VAMP7: variants seen among roughly 807,000 people sequenced by gnomAD.
The protein encoded by VAMP7 is vesicle-associated membrane protein 7.
In VAMP7, 14 loss-of-function variants were observed where a neutral mutation model predicts 29.6. The ratio of observed to expected loss-of-function variants is 0.47; its 90% confidence interval spans 0.31 to 0.74. The LOEUF (loss-of-function observed/expected upper bound fraction) is 0.74, where lower values mean the gene tolerates loss of function less well. Among genes scored for constraint, VAMP7 ranks in the 30% least tolerant of loss-of-function variants. VAMP7 has a pLI of 0.05. For synonymous variants in VAMP7, 95 were observed against 88.1 expected (o/e 1.08, Z -0.44); for missense variants, 223 against 262.4 (o/e 0.85, Z 1.04).
chrX:155,906,414 A>G (rs2066148248), intron 5 of VAMP7, among the ~76,000 whole-genome samples: 1 of 152,148 alleles, frequency 6.6e-6, no homozygotes. Flanking sequence ...TGGTTGTGTT[A>G]GGAGTTGAGC....
intron 6 of VAMP7, among the ~76,000 whole-genome samples, chrX:155,933,646 A>G (rs1486160701): frequency 6.6e-6 from 1 of 152,020 alleles, no homozygotes; most frequent in East Asian, 1.9e-4. Context: ...TGATCTTTTC[A>G]AAAAACCAGC....
intron 6 of VAMP7, among the ~76,000 whole-genome samples, chrX:155,930,857 C>G (rs145329593): frequency 6.6e-6 from 1 of 151,900 alleles, no homozygotes; most frequent in African/African-American, 2.4e-5. Context: ...CTATCCCTTC[C>G]CCCTCCCACC....
chrX:155,941,971 A>G lies in VAMP7; in HGVS notation c.*20A>G, dbSNP rs768028469. 6 of 1,613,838 alleles carry G rather than the reference A, an allele frequency of 3.7e-6. No homozygotes were observed. The South Asian group carries it at 6.6e-5, about 18-fold the overall frequency. On this transcript the variant is annotated 3_prime_UTR_variant, in exon 8 of 8. Transcript: ENST00000286448. The stretch of plus-strand genomic sequence containing the variant: ...AAATAGGAAAGAAGAAGTTACCATT[A>G]ACCAAGGATATGAGAGAACAAGGAG...
chrX:155,887,671 G>A (rs1175234311), intron 1 of VAMP7, among the ~76,000 whole-genome samples: 2 of 152,116 alleles, frequency 1.3e-5, no homozygotes, highest in African/African-American at 4.8e-5. Context: ...GCTCATGCCT[G>A]TAATCCCAGC....
At chrX:155,936,120 C>T (rs2066650524) in intron 6 of VAMP7, among the ~76,000 whole-genome samples, 1 of 152,062 alleles carries the variant, frequency 6.6e-6, no homozygotes. Flanking sequence ...CTGGGGGGTA[C>T]CTCCCAGTTA....
intron 6 of VAMP7, among the ~76,000 whole-genome samples, chrX:155,928,571 T>A (rs978981501): frequency 6.6e-6 from 1 of 152,110 alleles, no homozygotes; most frequent in African/African-American, 2.4e-5. Context: ...GTGTCAAGCC[T>A]CCATCTACTT....
intron 1 of VAMP7, among the ~76,000 whole-genome samples, chrX:155,882,093 C>T (rs2065809365): frequency 6.6e-6 from 1 of 152,224 alleles, no homozygotes; most frequent in African/African-American, 2.4e-5. Flanking sequence ...TCATTAATTG[C>T]TTTCAACTAC....
intron 6 of VAMP7, among the ~76,000 whole-genome samples, chrX:155,925,207 T>TG (rs1371139913): frequency 6.6e-6 from 1 of 152,186 alleles, no homozygotes; most frequent in Non-Finnish European, 1.5e-5. Flanking sequence ...GTTTATATTT[T>TG]GACTTCCTCC....
intron 7 of VAMP7, among the ~76,000 whole-genome samples, chrX:155,941,537 T>G (rs1283484131): frequency 2.0e-5 from 3 of 152,090 alleles, no homozygotes; most frequent in Non-Finnish European, 4.4e-5. Flanking sequence ...TTCAGGAGAA[T>G]TATGGTTATT....
intron 7 of VAMP7, among the ~76,000 whole-genome samples, chrX:155,940,335 A>G (rs1449279005): frequency 1.3e-5 from 2 of 151,998 alleles, no homozygotes; most frequent in African/African-American, 2.4e-5. Context: ...CAGAAGCCCA[A>G]AGTTACCTCC....
chrX:155,892,784 C>T (rs747210052), intron 2 of VAMP7, among the ~76,000 whole-genome samples: 36 of 151,310 alleles, frequency 2.4e-4, no homozygotes, highest in African/African-American at 8.8e-4. Context: ...CGAAGTTTCG[C>T]TTTTGTTGCC....
intron 5 of VAMP7, among the ~76,000 whole-genome samples, chrX:155,902,653 T>A (rs2066082231): frequency 2.0e-5 from 3 of 152,260 alleles, no homozygotes; most frequent in Admixed American, 1.3e-4. Context: ...TTGGTTCCGT[T>A]TATATGCTGG....
At chrX:155,939,093 C>A (rs2376575) in intron 6 of VAMP7, among the ~76,000 whole-genome samples, 152,207 of 152,212 alleles carry the variant, frequency 1, 76,101 homozygotes, top group Middle Eastern at 1. Context: ...ATCTGTGGGA[C>A]CATACCAGAG....
intron 6 of VAMP7, among the ~76,000 whole-genome samples, chrX:155,923,501 T>G (rs1009792299): frequency 1.1e-4 from 16 of 151,924 alleles, no homozygotes; most frequent in African/African-American, 3.9e-4. Flanking sequence ...TAATACTTGA[T>G]GAACGGTGGT....
chrX:155,892,593 A>T (rs947676626), intron 2 of VAMP7, among the ~76,000 whole-genome samples: 12 of 152,232 alleles, frequency 7.9e-5, no homozygotes, highest in African/African-American at 1.4e-4. Flanking sequence ...TTAATTTTTT[A>T]AAAATCTCAC....
At chrX:155,920,470 G>A (rs1315348141) in intron 6 of VAMP7, among the ~76,000 whole-genome samples, 1 of 152,074 alleles carries the variant, frequency 6.6e-6, no homozygotes, top group Non-Finnish European at 1.5e-5. Flanking sequence ...AACAGAAGGA[G>A]GGCAGAGATC....
chrX:155,933,027 C>G (rs1170206199), intron 6 of VAMP7, among the ~76,000 whole-genome samples: 1 of 152,106 alleles, frequency 6.6e-6, no homozygotes, highest in Non-Finnish European at 1.5e-5. Flanking sequence ...ATATGTTGAA[C>G]CAGCCTTGCA....
At chrX:155,936,641 G>C (rs887448215) in intron 6 of VAMP7, among the ~76,000 whole-genome samples, 4 of 152,206 alleles carry the variant, frequency 2.6e-5, no homozygotes, top group African/African-American at 9.6e-5. Flanking sequence ...GACCCCTTGT[G>C]CTTCCCGGGT....
intron 2 of VAMP7, among the ~76,000 whole-genome samples, chrX:155,893,500 G>C (rs948766175): frequency 2.0e-5 from 3 of 152,120 alleles, no homozygotes; most frequent in African/African-American, 4.8e-5. Flanking sequence ...AGCCTGCTTG[G>C]GCTGCTATAA....
Sources: allele counts gnomAD v4.1 joint callset (sites outside exome capture counted in the v4.1 genomes callset), GRCh38; gene constraint gnomAD v4.1.1; transcripts MANE v1.5; gene names NCBI Gene and HGNC (gene_info 2026-07-23, HGNC 2026-07-21).